The following MYO15A variants were observed in gnomAD, a reference collection of about 807,000 sequenced individuals.
MYO15A encodes myosin XVA, also known as unconventional myosin-XV.
A neutral mutation model predicts 394.6 loss-of-function variants in MYO15A; 308 were observed. The observed-to-expected ratio is 0.78, with a 90% confidence interval of 0.71 to 0.86. MYO15A has a LOEUF of 0.86. Ranked by LOEUF, MYO15A falls within the 40% of genes least tolerant of loss-of-function variation. The pLI, the probability that MYO15A is intolerant of heterozygous loss-of-function variation, is 0.00. For synonymous variants in MYO15A, 1,957 were observed against 2,003.8 expected (o/e 0.98, Z 0.62); for missense variants, 4,606 against 4,799.1 (o/e 0.96, Z 1.19).
At chr17:18,157,993 G>C in intron 51 of MYO15A, 93 bp downstream of exon 51, 1 of 1,423,754 alleles carries the variant, frequency 7.0e-7, no homozygotes, top group South Asian at 1.5e-5. Context: ...GGTGGGCCAA[G>C]GGCCTGGCCA....
chr17:18,139,442 G>A (rs960433782), intron 18 of MYO15A, 92 bp from the exon 19 acceptor site: 52 of 1,390,718 alleles, frequency 3.7e-5, no homozygotes, highest in Non-Finnish European at 4.8e-5. Flanking sequence ...CTGGAGGGGT[G>A]GGGACCATAG....
At chr17:18,124,402 C>T (rs111829639) in intron 2 of MYO15A, 81 bp from the exon 3 acceptor site, 98 of 1,454,084 alleles carry the variant, frequency 6.7e-5, no homozygotes, top group Non-Finnish European at 8.8e-5. Flanking sequence ...GGTAGCAGGC[C>T]CCAGGTATGA....
At chr17:18,138,357 T>TG (rs953782238) in intron 17 of MYO15A, 111 bp downstream of exon 17, 23 of 1,383,760 alleles carry the variant, frequency 1.7e-5, no homozygotes, top group Non-Finnish European at 1.9e-5. Context: ...AGTCAGGCAG[T>TG]GGGGGGTTGG....
chr17:18,123,109 C>T (rs978605985), intron 2 of MYO15A: 75 of 152,440 alleles, frequency 4.9e-4, no homozygotes, highest in African/African-American at 1.7e-3. Flanking sequence ...GCTGGGTGGC[C>T]CTTGGCTGAG....
At chr17:18,156,645 A>G (rs533901061) in intron 48 of MYO15A, among the ~76,000 whole-genome samples, 29 of 151,466 alleles carry the variant, frequency 1.9e-4, no homozygotes, top group Non-Finnish European at 3.7e-4. Flanking sequence ...CCCTCTGCCC[A>G]CTCCTGACTG....
At chr17:18,178,370 G>T in intron 65 of MYO15A, 1 of 274,282 alleles carries the variant, frequency 3.6e-6, no homozygotes, top group Non-Finnish European at 7.2e-6. Flanking sequence ...CTCCATCTAG[G>T]AAAAAAAAAA....
At position 18,150,835 on chromosome 17, in the gene MYO15A, G is replaced by A. The variant is rs760461823; in HGVS notation, c.7396-1G>A. 7 of 1,593,290 alleles carry A rather than the reference G, an allele frequency of 4.4e-6. No individual in the cohort carries two copies. The East Asian group carries it at 1.4e-4, about 31-fold the overall frequency. On this transcript the variant is annotated splice_acceptor_variant, in intron 37 of 65. Transcript: ENST00000647165. LOFTEE classifies it high-confidence loss of function. The surrounding 1 kb of genome is among the most constrained non-coding windows in gnomAD (Gnocchi z 4.4). ...TGGTCACCACTGCCACCTCTCCCCA[G>A]GCCCGGGAGATGACCCTGCAGGCCA...
At chr17:18,170,662 C>A (rs559645718) in intron 62 of MYO15A, among the ~76,000 whole-genome samples, 1 of 152,046 alleles carries the variant, frequency 6.6e-6, no homozygotes, top group East Asian at 1.9e-4. Flanking sequence ...CTAGCCACCG[C>A]GCCTTGCCTA....
intron 12 of MYO15A, 87 bp from the exon 13 acceptor site, chr17:18,135,622 TGA>T (rs1379889504): frequency 1.2e-5 from 15 of 1,291,234 alleles, no homozygotes; most frequent in African/African-American, 1.5e-5. Flanking sequence ...ACTACTGGCA[TGA>T]GCCACAGTGC....
At chr17:18,124,075 C>G in intron 2 of MYO15A, 1 of 292,232 alleles carries the variant, frequency 3.4e-6, no homozygotes, top group South Asian at 3.7e-5. Context: ...CAGTCTCCAT[C>G]TCTGCCCTCC....
intron 4 of MYO15A, 58 bp downstream of exon 4, chr17:18,125,289 G>A (rs2046012652): frequency 1.3e-6 from 2 of 1,528,002 alleles, no homozygotes; most frequent in East Asian, 2.2e-5. Flanking sequence ...CTGCCTCCTG[G>A]GGCCGGGTGG....
At chr17:18,163,400 G>C in intron 59 of MYO15A, 79 bp downstream of exon 59, 1 of 1,411,898 alleles carries the variant, frequency 7.1e-7, no homozygotes, top group Non-Finnish European at 1.0e-6. Flanking sequence ...GATGGGGGTG[G>C]AGTAAGCCCC....
chr17:18,114,241 CTTTTTTTTT>C lies in MYO15A; in HGVS notation c.-219-4323_-219-4315del, dbSNP rs10583154. 7.7e-4 allele frequency among the ~76,000 whole-genome samples: 43 copies of C among 55,600 alleles called. No individual in the cohort carries two copies. In the South Asian group the frequency reaches 0.034, roughly 44 times the overall value. The allele number at this position is 55,600 out of a possible 152,430, so 36.5% of individuals were successfully genotyped here. On this transcript the variant is annotated intron_variant, in intron 1 of 65. Transcript: ENST00000647165. ...CACCTTGTGACCACCACAGTCCTGTCTTTTTTTTTTTTTTTTTTTTTTTTTTGAGACGGA... is the reference window on the plus strand; with the variant it reads ...CACCTTGTGACCACCACAGTCCTGTCTTTTTTTTTTTTTTTTTGAGACGGA...
In MYO15A at chr17:18,149,327, C is replaced by T. The variant is rs373935449; in HGVS notation, c.7068C>T (p.Asp2356=). The T allele has an allele frequency of 1.4e-4, 227 of 1,611,892 alleles. No individual in the cohort carries two copies. The highest frequency in any genetic ancestry group is 1.2e-3 in the African/African-American group (89 of 74,908). Residue 2356 remains aspartate, a synonymous_variant, in exon 34 of 66, where the codon GAC becomes GAT. Transcript: ENST00000647165. Reference sequence around the variant, plus strand: ...ATGGGTACAGCAGCCACAATCAGGACGGTACAAATGGGGAGACTGAGGCCC... The same window carrying T: ...ATGGGTACAGCAGCCACAATCAGGATGGTACAAATGGGGAGACTGAGGCCC... ...DSDGYSSHNQ[D]GTNGETEAQR...
chr17:18,155,164 C>A lies in MYO15A; in HGVS notation c.8279C>A (p.Ala2760Asp), dbSNP rs777454177. The change falls in exon 46 of 66, where the codon GCC (alanine) becomes GAC (aspartate). Residue 2760 changes from alanine (A) to aspartate (D), a missense_variant. Coordinates refer to ENST00000647165, the MANE Select transcript of MYO15A (RefSeq NM_016239.4). The stretch of plus-strand genomic sequence containing the variant: ...CTGGTAACGGAAAGCGTGAAGCGGG[C>A]CGTGGTCAGCACTGCACGAGACACC... ...KPLVTESVKR[A>D]VVSTARDTWE... The A allele has an allele frequency of 1.2e-6, 2 of 1,613,972 alleles. No individual in the cohort carries two copies. Among genetic ancestry groups the A allele is most frequent in the East Asian group, 2.2e-5 (1 of 44,890 alleles).
rs2046854991 is a variant in MYO15A, at chr17:18,166,407, G to A, written c.9834G>A (p.Val3278=). 1 of 1,613,906 alleles carries A rather than the reference G, an allele frequency of 6.2e-7. No homozygotes were observed. Among genetic ancestry groups the A allele is most frequent in the Non-Finnish European group, 8.5e-7 (1 of 1,180,046 alleles). The stretch of plus-strand genomic sequence containing the variant: ...GTCGCCGTGCTTACATCCTGGATGT[G>A]GCCTCAGAGATGGAGCAGGTGGACG... ...PLSRRAYILD[V]ASEMEQVDGG... Residue 3278 remains valine, a synonymous_variant, in exon 61 of 66, where the codon GTG becomes GTA. Transcript: ENST00000647165.
chr17:18,149,069 G>A, intron 33 of MYO15A, 117 bp downstream of exon 33: 3 of 1,478,884 alleles, frequency 2.0e-6, no homozygotes, highest in South Asian at 2.5e-5. Context: ...CCTGAACTTA[G>A]ACTTCAGGTT....
Position 18,147,194 on chromosome 17 carries a change from C to A in MYO15A, c.6510-835C>A, listed in dbSNP as rs2046497100. On this transcript the variant is annotated intron_variant, in intron 30 of 65. Transcript: ENST00000647165. This position sits in a 1 kb window ranked among gnomAD's most constrained non-coding sequence, Gnocchi z 4.4. Reference sequence around the variant, plus strand: ...TCACTGTCCCTCTCTGAACCTGTTTCTTCCCTATAATTTGGGGATGGCAAC... The same window carrying A: ...TCACTGTCCCTCTCTGAACCTGTTTATTCCCTATAATTTGGGGATGGCAAC... Among the ~76,000 whole-genome samples the A allele has an allele frequency of 6.6e-6, 1 of 152,228 alleles. No homozygotes were observed. Among genetic ancestry groups the A allele is most frequent in the Non-Finnish European group, 1.5e-5 (1 of 68,044 alleles).
intron 22 of MYO15A, 51 bp from the exon 23 acceptor site, chr17:18,141,602 A>G (rs2142338914): frequency 6.5e-7 from 1 of 1,550,288 alleles, no homozygotes; most frequent in Non-Finnish European, 8.9e-7. Flanking sequence ...GGTCTAGCAG[A>G]CACCTCGGGT....
Sources: gnomAD v4.1 joint callset for allele counts (sites outside exome capture counted in the v4.1 genomes callset) on GRCh38, gnomAD v4.1.1 for gene constraint, Gnocchi (gnomAD v3.1) non-coding constraint, MANE v1.5 for transcripts, NCBI Gene and HGNC (gene_info 2026-07-23, HGNC 2026-07-21) for gene names.